CAST: variants seen among roughly 807,000 people sequenced by gnomAD.
CAST encodes the protein calpastatin, also known as MIR583 host.
Under a neutral mutation model 119.6 loss-of-function variants are expected in CAST, and 76 were observed. That is an observed-to-expected ratio of 0.64 (90% CI 0.53 to 0.77). CAST has a LOEUF of 0.77. Among genes scored for constraint, CAST ranks in the 30% least tolerant of loss-of-function variants. The probability of loss-of-function intolerance (pLI) is 0.00; values close to 1 mark genes in which losing one functional copy is unlikely to be tolerated. For missense variants in CAST, 953 were observed against 946.5 expected (o/e 1.01, Z -0.09); for synonymous variants, 319 against 331.6 (o/e 0.96, Z 0.41).
At chr5:95,962,193 C>T in the CAST span, 1 of 258,268 alleles carries the variant, frequency 3.9e-6, no homozygotes, top group Non-Finnish European at 7.3e-6. Context: ...GGAGTTGGAG[C>T]CCCGCCCCTG....
the CAST span, among the ~76,000 whole-genome samples, chr5:96,340,881 C>T: frequency 2.6e-5 from 4 of 152,156 alleles, no homozygotes; most frequent in African/African-American, 9.7e-5. Context: ...ATATACTGAA[C>T]TTATGATGCT....
the CAST span, chr5:96,412,421 T>C: frequency 6.2e-7 from 1 of 1,613,966 alleles, no homozygotes; most frequent in Non-Finnish European, 8.5e-7. Context: ...AATATCCACG[T>C]GTCCAGGATT....
chr5:96,516,863 T>G, the CAST span, among the ~76,000 whole-genome samples: 1 of 152,348 alleles, frequency 6.6e-6, no homozygotes, highest in Non-Finnish European at 1.5e-5. Flanking sequence ...CTCTACTTTT[T>G]AGACTCCCAA....
upstream of CAST, among the ~76,000 whole-genome samples, chr5:96,522,029 T>C (rs1279716884): frequency 2.0e-5 from 3 of 151,982 alleles, no homozygotes; most frequent in East Asian, 5.8e-4. Context: ...GGCAGGAGAA[T>C]GGTATGAACC....
At chr5:96,521,773 G>A (rs1180454195), upstream of CAST, among the ~76,000 whole-genome samples, 1 of 152,164 alleles carries the variant, frequency 6.6e-6, no homozygotes, top group Non-Finnish European at 1.5e-5. Flanking sequence ...AGTAATGTTT[G>A]ATGTAATGAA....
intron 1 of CAST, among the ~76,000 whole-genome samples, chr5:96,609,017 C>G (rs961134485): frequency 9.9e-5 from 15 of 152,154 alleles, no homozygotes; most frequent in African/African-American, 3.4e-4. Flanking sequence ...CAAATCCAAA[C>G]CATATTACAC....
chr5:96,592,268 A>T (rs1011075620), intron 1 of CAST, among the ~76,000 whole-genome samples: 7 of 151,794 alleles, frequency 4.6e-5, no homozygotes, highest in African/African-American at 9.7e-5. Context: ...AGGTGTGGTG[A>T]TGTGCGCCTT....
At chr5:95,993,346 A>G in the CAST span, among the ~76,000 whole-genome samples, 1 of 152,348 alleles carries the variant, frequency 6.6e-6, no homozygotes, top group South Asian at 2.1e-4. Flanking sequence ...AAAGAATTAT[A>G]GGAGGAAATA....
chr5:96,077,930 T>C, the CAST span, among the ~76,000 whole-genome samples: 2 of 152,266 alleles, frequency 1.3e-5, no homozygotes, highest in African/African-American at 2.4e-5. Flanking sequence ...GACTACTGGA[T>C]AGCTGGATTA....
At chr5:96,078,973 ATAAT>A in the CAST span, among the ~76,000 whole-genome samples, 40 of 152,136 alleles carry the variant, frequency 2.6e-4, no homozygotes, top group Non-Finnish European at 4.0e-4. Context: ...ATCAGGAAGT[ATAAT>A]TAATGGGTTC....
chr5:96,330,538 T>C, the CAST span, among the ~76,000 whole-genome samples: 1 of 152,240 alleles, frequency 6.6e-6, no homozygotes, highest in African/African-American at 2.4e-5. Flanking sequence ...TCACCCCTTT[T>C]TCCCCAGTTC....
chr5:96,464,367 T>C, the CAST span, among the ~76,000 whole-genome samples: 1 of 152,024 alleles, frequency 6.6e-6, no homozygotes, highest in Non-Finnish European at 1.5e-5. Context: ...CATATTGAAA[T>C]GGGGCCTCAT....
the CAST span, among the ~76,000 whole-genome samples, chr5:96,276,736 A>G: frequency 5.3e-5 from 8 of 152,264 alleles, no homozygotes; most frequent in South Asian, 1.7e-3. Context: ...TGTTTGGGTA[A>G]TTGTAAGGAA....
At chr5:96,198,082 GT>G in the CAST span, among the ~76,000 whole-genome samples, 2 of 152,130 alleles carry the variant, frequency 1.3e-5, no homozygotes, top group Non-Finnish European at 2.9e-5. Context: ...AATTAGACAG[GT>G]TTTTCCCTTC....
At chr5:96,488,028 A>G in the CAST span, among the ~76,000 whole-genome samples, 2 of 152,208 alleles carry the variant, frequency 1.3e-5, no homozygotes, top group South Asian at 2.1e-4. Flanking sequence ...TGACTAACTC[A>G]TAAAATTTTA....
At chr5:96,074,103 T>C in the CAST span, among the ~76,000 whole-genome samples, 4 of 152,166 alleles carry the variant, frequency 2.6e-5, no homozygotes, top group African/African-American at 4.8e-5. Flanking sequence ...AACTAATTCT[T>C]TCTAGTGAAC....
the CAST span, among the ~76,000 whole-genome samples, chr5:96,187,267 T>C: frequency 6.6e-6 from 1 of 151,918 alleles, no homozygotes; most frequent in Non-Finnish European, 1.5e-5. Flanking sequence ...TAGCTAGAAG[T>C]CTATTCTATT....
chr5:96,215,761 AT>A, the CAST span, among the ~76,000 whole-genome samples: 1 of 152,006 alleles, frequency 6.6e-6, no homozygotes, highest in Non-Finnish European at 1.5e-5. Flanking sequence ...ATGATGATCC[AT>A]TTTCACCTAA....
At chr5:96,638,938 G>A (rs534107940) in intron 1 of CAST, among the ~76,000 whole-genome samples, 13 of 152,134 alleles carry the variant, frequency 8.5e-5, no homozygotes, top group Non-Finnish European at 1.5e-4. Context: ...TTTTCAAAGA[G>A]AGACAGCCTG....
Sources: allele counts gnomAD v4.1 joint callset (sites outside exome capture counted in the v4.1 genomes callset), GRCh38; gene constraint gnomAD v4.1.1; transcripts MANE v1.5; gene names NCBI Gene and HGNC (gene_info 2026-07-23, HGNC 2026-07-21).